Variants in OPRL1 observed in about 807,000 individuals in gnomAD.
OPRL1 encodes the protein opioid related nociceptin receptor 1.
OPRL1 carries 5 observed loss-of-function variants against 15.5 expected under a neutral mutation model. The ratio of observed to expected loss-of-function variants is 0.32; its 90% CI spans 0.17 to 0.68. The LOEUF is 0.68. Among genes scored for constraint, OPRL1 ranks in the 30% least tolerant of loss-of-function variants. The probability of loss-of-function intolerance (pLI) is 0.72; values close to 1 mark genes in which losing one functional copy is unlikely to be tolerated. For missense variants in OPRL1, 406 were observed against 515.3 expected, an observed-to-expected ratio of 0.79 and a Z score of 2.05; for synonymous variants, 223 against 230.2, an observed-to-expected ratio of 0.97 and a Z score of 0.28.
rs372839014 is a variant in OPRL1 at position 64,098,260 on chromosome 20, G to T, written c.590-16G>T. On this transcript the variant is annotated splice_polypyrimidine_tract_variant and intron_variant, in intron 4 of 4. Coordinates refer to ENST00000336866, the MANE Select transcript of OPRL1 (RefSeq NM_182647.4). ...CGTCTCCTGGGCCCACTCTGACCCCGTTTCTCTCCCTGCAGAGATCGAGTG... is the reference window on the plus strand; with the variant it reads ...CGTCTCCTGGGCCCACTCTGACCCCTTTTCTCTCCCTGCAGAGATCGAGTG... 1.9e-6 allele frequency: 3 copies of T among 1,607,954 alleles called. No individual in the cohort carries two copies. Among genetic ancestry groups the T allele is most frequent in the East Asian group, 4.5e-5 (2 of 44,778 alleles).
chr20:64,090,326 A>G lies in OPRL1; in HGVS notation c.-184-1640A>G, dbSNP rs1347232665. Among the ~76,000 whole-genome samples, 1 of 152,022 alleles carries G rather than the reference A, an allele frequency of 6.6e-6. No individual in the cohort carries two copies. Among genetic ancestry groups the G allele is most frequent in the African/African-American group, 2.4e-5 (1 of 41,378 alleles). ...CCCCGTGCCTTCACACGTGTCCCTG[A>G]GTCTTGGTTGCCGTGAAGATGCAGG... On this transcript the variant is annotated intron_variant, in intron 1 of 4. Transcript: ENST00000336866. The surrounding 1 kb of genome is among the most constrained non-coding windows in gnomAD (Gnocchi z 4.9).
At position 64,089,874 on chromosome 20, in the gene OPRL1, G is replaced by A. The variant is rs551172426; in HGVS notation, c.-184-2092G>A. Among the ~76,000 whole-genome samples, 1 of 152,286 alleles carries A rather than the reference G, an allele frequency of 6.6e-6. No homozygotes were observed. The highest frequency in any genetic ancestry group is 2.4e-5 in the African/African-American group (1 of 41,546). ...CAGGCTCAGGAAGCTCGGGTAGGAGGGTCTAGGGTCTCCTGCTCAGACGTT... is the reference window on the plus strand; with the variant it reads ...CAGGCTCAGGAAGCTCGGGTAGGAGAGTCTAGGGTCTCCTGCTCAGACGTT... On this transcript the variant is annotated intron_variant, in intron 1 of 4. Transcript: ENST00000336866. The surrounding 1 kb of genome is among the most constrained non-coding windows in gnomAD (Gnocchi z 5.5).
intron 1 of OPRL1, among the ~76,000 whole-genome samples, chr20:64,081,489 G>A (rs938394866): frequency 2.0e-5 from 3 of 152,130 alleles, no homozygotes; most frequent in African/African-American, 7.2e-5. Flanking sequence ...TGCCCCCTCG[G>A]GTCACTCTAC....
rs1008378171 is a variant in OPRL1, at chr20:64,100,253, T to G, written c.*1454T>G. 2.6e-5 allele frequency: 4 copies of G among 152,294 alleles called. No individual in the cohort carries two copies. The East Asian group carries it at 7.7e-4, about 29-fold the overall frequency. The allele number at this position is 152,294 out of a possible 1,614,324, so 9.4% of individuals were successfully genotyped here. The stretch of plus-strand genomic sequence containing the variant: ...TGAACTATTAAAAGACCTGCAACAT[T>G]GAAAAAACTCATTTTTTCCACCAAA... On this transcript the variant is annotated 3_prime_UTR_variant, in exon 5 of 5. Transcript: ENST00000336866.
chr20:64,098,355 C>T lies in OPRL1; in HGVS notation c.669C>T (p.Ser223=). Residue 223 remains serine, a synonymous_variant, in exon 5 of 5, where the codon TCC becomes TCT. Transcript: ENST00000336866. ...TTGCCATCTGCATCTTCCTCTTCTCCTTCATCGTCCCCGTGCTCGTCATCT... is the reference window on the plus strand; with the variant it reads ...TTGCCATCTGCATCTTCCTCTTCTCTTTCATCGTCCCCGTGCTCGTCATCT... The part of the protein sequence containing the change: ...PVFAICIFLF[S]FIVPVLVISV... 1 of 1,614,000 alleles carries T rather than the reference C, an allele frequency of 6.2e-7. No homozygotes were observed. Among genetic ancestry groups the T allele is most frequent in the Non-Finnish European group, 8.5e-7 (1 of 1,180,014 alleles).
chr20:64,082,430 C>T (rs2059977020), intron 1 of OPRL1, among the ~76,000 whole-genome samples: 1 of 152,210 alleles, frequency 6.6e-6, no homozygotes, highest in Admixed American at 6.5e-5. Flanking sequence ...GGCGAGTGCG[C>T]AGGGCTCCAC....
chr20:64,088,734 G>GAGTGGCCAGGATCTGTGCAGGGA (rs1411930057), intron 1 of OPRL1, among the ~76,000 whole-genome samples: 5 of 8,382 alleles, frequency 6.0e-4, no homozygotes, highest in East Asian at 3.5e-3. Context: ...ATCTGTGCAA[G>GAGTGGCCAGGATCTGTGCAGGGA]GGGTAGGATC....
chr20:64,082,294 T>C (rs1332264851), intron 1 of OPRL1, among the ~76,000 whole-genome samples: 1 of 152,124 alleles, frequency 6.6e-6, no homozygotes, highest in Non-Finnish European at 1.5e-5. Context: ...CTGCCATCTC[T>C]CTGTCCCCTC....
chr20:64,091,515 G>A (rs564586612), intron 1 of OPRL1, among the ~76,000 whole-genome samples: 2 of 152,242 alleles, frequency 1.3e-5, no homozygotes, highest in African/African-American at 4.8e-5. Flanking sequence ...GGCCAGTGCC[G>A]TGTCCTGGAC....
chr20:64,098,144 G>A lies in OPRL1; in HGVS notation c.576G>A (p.Gln192=), dbSNP rs764187929. Residue 192 remains glutamine, a synonymous_variant, in exon 4 of 5, where the codon CAG becomes CAA. Transcript: ENST00000336866. The part of the protein sequence containing the change: ...GVPVAIMGSA[Q]VEDEEIECLV... Reference sequence around the variant, plus strand: ...CCGTTGCCATCATGGGCTCGGCACAGGTCGAGGATGAAGGTCAGTGGGGTG... The same window carrying A: ...CCGTTGCCATCATGGGCTCGGCACAAGTCGAGGATGAAGGTCAGTGGGGTG... 4 of 1,612,916 alleles carry A rather than the reference G, an allele frequency of 2.5e-6. No homozygotes were observed. In the South Asian group the frequency reaches 3.3e-5, roughly 13 times the overall value.
intron 1 of OPRL1, among the ~76,000 whole-genome samples, chr20:64,091,358 G>A (rs6011291): frequency 0.92 from 136,882 of 148,804 alleles, 62,999 homozygotes; most frequent in East Asian, 0.98. Context: ...GGTGCCCTGG[G>A]CGTGTCTCCA....
At chr20:64,093,029 C>A in intron 3 of OPRL1, 76 bp downstream of exon 3, 2 of 1,287,074 alleles carry the variant, frequency 1.6e-6, no homozygotes, top group Non-Finnish European at 2.2e-6. Flanking sequence ...GGGGTCTGTT[C>A]TGGATGGGCC....
intron 1 of OPRL1, chr20:64,084,093 C>A (rs1280956252): frequency 6.7e-7 from 1 of 1,484,110 alleles, no homozygotes; most frequent in South Asian, 1.3e-5. Flanking sequence ...AGGGCCCAGC[C>A]CGGCTTGGGG....
At position 64,098,642 on chromosome 20, in the gene OPRL1, A is replaced by ACGC; in HGVS notation, c.958_960dup (p.Ala320dup). On this transcript the variant is annotated inframe_insertion, in exon 5 of 5. Transcript: ENST00000336866. ...AACAGCTGCCTCAACCCCATCCTCT[A>ACGC]CGCCTTCCTGGATGAGAACTTCAAG... 6.2e-7 allele frequency: 1 copy of ACGC among 1,612,884 alleles called. No homozygotes were observed. Among genetic ancestry groups the ACGC allele is most frequent in the Non-Finnish European group, 8.5e-7 (1 of 1,179,964 alleles).
At position 64,083,337 on chromosome 20, in the gene OPRL1, C is replaced by T. The variant is rs1342580827; in HGVS notation, c.-185+2985C>T. 9 of 1,557,246 alleles carry T rather than the reference C, an allele frequency of 5.8e-6. 1 individual carries two copies. Among genetic ancestry groups the T allele is most frequent in the African/African-American group, 1.4e-5 (1 of 73,440 alleles). ...CAGCGTCCATACTCCCCGCTTCCCT[C>T]GGGGTCCTGGGGAGTGGCAGCAAAA... On this transcript the variant is annotated intron_variant, in intron 1 of 4. Coordinates refer to ENST00000336866, the MANE Select transcript of OPRL1 (RefSeq NM_182647.4). The surrounding 1 kb of genome is among the most constrained non-coding windows in gnomAD (Gnocchi z 4.9).
Position 64,097,276 on chromosome 20 carries a change from C to T in OPRL1, c.234-526C>T, listed in dbSNP as rs559241803. Among the ~76,000 whole-genome samples, 3 of 152,294 alleles carry T rather than the reference C, an allele frequency of 2.0e-5. No individual in the cohort carries two copies. The highest frequency in any genetic ancestry group is 6.5e-5 in the Admixed American group (1 of 15,298). ...CTTATTAGCATCCCTCCTGTCCCCC[C>T]GTCACCATTTTCGGTCTCCATTGCT... On this transcript the variant is annotated intron_variant, in intron 3 of 4. Transcript: ENST00000336866. This position sits in a 1 kb window ranked among gnomAD's most constrained non-coding sequence, Gnocchi z 4.2.
intron 3 of OPRL1, among the ~76,000 whole-genome samples, chr20:64,096,607 G>A (rs565415033): frequency 2.6e-5 from 4 of 152,094 alleles, no homozygotes; most frequent in East Asian, 1.9e-4. Flanking sequence ...CAGGCAGAAT[G>A]GAGCCCCATA....
At chr20:64,092,462 G>A (rs920462139) in intron 2 of OPRL1, among the ~76,000 whole-genome samples, 1 of 152,186 alleles carries the variant, frequency 6.6e-6, no homozygotes, top group African/African-American at 2.4e-5. Context: ...GTGTGTCTTT[G>A]TGTTCTGTGA....
chr20:64,091,820 T>TGA (rs2060120736), intron 1 of OPRL1, 146 bp from the exon 2 acceptor site: 6 of 153,024 alleles, frequency 3.9e-5, no homozygotes, highest in African/African-American at 1.4e-4. Context: ...CATCTCTGTG[T>TGA]GTCCTGGACT....
Sources: gnomAD v4.1 joint callset for allele counts (sites outside exome capture counted in the v4.1 genomes callset) on GRCh38, gnomAD v4.1.1 for gene constraint, Gnocchi (gnomAD v3.1) non-coding constraint, MANE v1.5 for transcripts, NCBI Gene and HGNC (gene_info 2026-07-23, HGNC 2026-07-21) for gene names.